Variants in INPP4B observed in about 807,000 individuals in gnomAD.
INPP4B encodes the protein inositol polyphosphate 4-phosphatase type II.
A neutral mutation model predicts 122.5 loss-of-function variants in INPP4B; 55 were observed. The ratio of observed to expected loss-of-function variants is 0.45; its 90% CI spans 0.36 to 0.56. The LOEUF is 0.56. INPP4B is among the 20% of genes least tolerant of loss of function. The pLI is 0.00. For missense variants in INPP4B, 1,000 were observed against 1,097.7 expected, an observed-to-expected ratio of 0.91 and a Z score of 1.26; for synonymous variants, 403 against 388.7, an observed-to-expected ratio of 1.04 and a Z score of -0.43.
intron 2 of INPP4B, among the ~76,000 whole-genome samples, chr4:142,702,800 T>A (rs1167183585): frequency 6.9e-6 from 1 of 144,426 alleles, no homozygotes; most frequent in African/African-American, 2.6e-5. Context: ...CATTTTTAAA[T>A]AAAGATTGAT....
chr4:142,688,998 G>A lies in INPP4B; in HGVS notation c.-191+36841C>T, dbSNP rs555871707. ...CTCCTCATGATTTCATCTCTGATCC[G>A]ACCAATAGCGCTCCCCATTTTCTAA... On this transcript the variant is annotated intron_variant, in intron 2 of 25. Transcript: ENST00000262992. Among the ~76,000 whole-genome samples the A allele has an allele frequency of 7.2e-5, 11 of 152,160 alleles. No individual in the cohort carries two copies. In the South Asian group the frequency reaches 1.2e-3, roughly 17 times the overall value.
chr4:142,764,990 T>C (rs1474633489), intron 1 of INPP4B, among the ~76,000 whole-genome samples: 1 of 152,050 alleles, frequency 6.6e-6, no homozygotes, highest in African/African-American at 2.4e-5. Context: ...AATCAGGTGT[T>C]TGAAAAAAGT....
At chr4:142,084,468 C>G (rs1169479357) in intron 24 of INPP4B, among the ~76,000 whole-genome samples, 1 of 151,822 alleles carries the variant, frequency 6.6e-6, no homozygotes, top group African/African-American at 2.4e-5. Flanking sequence ...AGCAGTATTT[C>G]ATTAAATAAA....
chr4:142,353,968 T>C (rs971795964), intron 7 of INPP4B, among the ~76,000 whole-genome samples: 1 of 151,966 alleles, frequency 6.6e-6, no homozygotes, highest in Non-Finnish European at 1.5e-5. Context: ...TGAAATTTTG[T>C]TCAATAACTC....
intron 8 of INPP4B, among the ~76,000 whole-genome samples, chr4:142,308,220 G>C (rs370090195): frequency 1.3e-5 from 2 of 152,164 alleles, no homozygotes; most frequent in Non-Finnish European, 2.9e-5. Context: ...CCACTTGCTT[G>C]ATCTCAAAGG....
At chr4:142,539,757 TATTAA>T (rs932532307) in intron 2 of INPP4B, among the ~76,000 whole-genome samples, 2 of 151,960 alleles carry the variant, frequency 1.3e-5, no homozygotes, top group Non-Finnish European at 2.9e-5. Flanking sequence ...TTTAATATAT[TATTAA>T]ATTAAAGAGT....
chr4:142,819,193 T>C (rs1780508903), intron 1 of INPP4B, among the ~76,000 whole-genome samples: 2 of 152,116 alleles, frequency 1.3e-5, no homozygotes, highest in South Asian at 4.1e-4. Context: ...CTGATGAAAG[T>C]AATAAACAGC....
chr4:142,725,332 T>C (rs1765205916), intron 2 of INPP4B, among the ~76,000 whole-genome samples: 2 of 152,120 alleles, frequency 1.3e-5, no homozygotes, highest in South Asian at 4.1e-4. Context: ...AAAGAAAATA[T>C]GTATTTTGCA....
At chr4:142,689,441 T>C (rs1459849348) in intron 2 of INPP4B, among the ~76,000 whole-genome samples, 6 of 151,964 alleles carry the variant, frequency 3.9e-5, no homozygotes, top group Non-Finnish European at 8.8e-5. Context: ...ATAAATGACA[T>C]TTTTTGAAAT....
intron 3 of INPP4B, among the ~76,000 whole-genome samples, chr4:142,437,571 C>A (rs1810814899): frequency 1.3e-5 from 2 of 152,068 alleles, no homozygotes; most frequent in Admixed American, 6.6e-5. Context: ...TTAGAAGAAA[C>A]CCTACAAGCC....
At chr4:142,747,649 A>C (rs1768961421) in intron 1 of INPP4B, among the ~76,000 whole-genome samples, 2 of 152,198 alleles carry the variant, frequency 1.3e-5, no homozygotes, top group African/African-American at 4.8e-5. Flanking sequence ...AGATTGCATA[A>C]AGAAAATGTG....
In INPP4B at chr4:142,405,326, T is replaced by A; in HGVS notation, c.137-2A>T. The A allele has an allele frequency of 6.5e-7, 1 of 1,528,310 alleles. No homozygotes were observed. Among genetic ancestry groups the A allele is most frequent in the Non-Finnish European group, 9.1e-7 (1 of 1,102,444 alleles). 94.7% of individuals were successfully genotyped at this position (1,528,310 alleles called of 1,614,324 possible). ...CAGGAGCCACGAGATCCTTGCATGCTGGCAACGGCAGAGGAGACAGAAAGA... is the reference window on the plus strand; with the variant it reads ...CAGGAGCCACGAGATCCTTGCATGCAGGCAACGGCAGAGGAGACAGAAAGA... On this transcript the variant is annotated splice_acceptor_variant, in intron 5 of 25. Coordinates refer to ENST00000262992, the MANE Select transcript of INPP4B (RefSeq NM_001101669.3). LOFTEE classifies it high-confidence loss of function.
At chr4:142,412,287 T>C (rs1291022945) in intron 5 of INPP4B, among the ~76,000 whole-genome samples, 1 of 152,184 alleles carries the variant, frequency 6.6e-6, no homozygotes, top group Non-Finnish European at 1.5e-5. Context: ...ATAGCCCCTC[T>C]AATTACTTTA....
chr4:142,057,563 A>G (rs1445239679), intron 25 of INPP4B, among the ~76,000 whole-genome samples: 1 of 152,172 alleles, frequency 6.6e-6, no homozygotes. Flanking sequence ...ACAAAGACCT[A>G]CAGGCTAAAC....
chr4:142,268,106 G>A (rs186775996), intron 10 of INPP4B, among the ~76,000 whole-genome samples: 2 of 151,530 alleles, frequency 1.3e-5, no homozygotes, highest in Non-Finnish European at 2.9e-5. Context: ...GGCAGATCAC[G>A]AAATCAGGAG....
chr4:142,379,518 T>C (rs530930272), intron 7 of INPP4B, among the ~76,000 whole-genome samples: 3 of 152,290 alleles, frequency 2.0e-5, no homozygotes, highest in South Asian at 4.1e-4. Flanking sequence ...AATTTTCACA[T>C]GAGTTTAAAT....
rs552233592 is a variant in INPP4B at position 142,305,075 on chromosome 4, C to G, written c.503+383G>C. The stretch of plus-strand genomic sequence containing the variant: ...CTTACTCTCTATTATCATAAAACTA[C>G]AATATTGCCTCTAACATATTTCAAA... On this transcript the variant is annotated intron_variant, in intron 9 of 25. Transcript: ENST00000262992. Among the ~76,000 whole-genome samples, 7 of 152,054 alleles carry G rather than the reference C, an allele frequency of 4.6e-5. No homozygotes were observed. In the East Asian group the frequency reaches 1.4e-3, roughly 29 times the overall value.
intron 2 of INPP4B, among the ~76,000 whole-genome samples, chr4:142,609,144 T>A (rs1193632086): frequency 6.6e-6 from 1 of 151,940 alleles, no homozygotes; most frequent in Admixed American, 6.6e-5. Context: ...TCAGTTAGAT[T>A]CCCTGCTTAC....
At position 142,705,458 on chromosome 4, in the gene INPP4B, AACACACAC is replaced by A. The variant is rs56300337; in HGVS notation, c.-191+20373_-191+20380del. Reference sequence around the variant, plus strand: ...AGTCTCTCTACCCATTCCCACCCCAAACACACACACACACACACACACACACACACACA... The same window carrying A: ...AGTCTCTCTACCCATTCCCACCCCAAACACACACACACACACACACACACA... On this transcript the variant is annotated intron_variant, in intron 2 of 25. Transcript: ENST00000262992. 3.0e-4 allele frequency among the ~76,000 whole-genome samples: 44 copies of A among 146,304 alleles called. 1 individual carries two copies. The highest frequency in any genetic ancestry group is 7.2e-4 in the African/African-American group (28 of 39,042).
Sources: gnomAD v4.1 joint callset for allele counts (sites outside exome capture counted in the v4.1 genomes callset) on GRCh38, gnomAD v4.1.1 for gene constraint, MANE v1.5 for transcripts, NCBI Gene and HGNC (gene_info 2026-07-23, HGNC 2026-07-21) for gene names.